ATP5PB: variants seen among roughly 807,000 people sequenced by gnomAD.
The protein encoded by ATP5PB is ATP synthase peripheral stalk subunit b, mitochondrial.
In ATP5PB, 21 loss-of-function variants were observed where a neutral mutation model predicts 34.5. That is an observed-to-expected ratio of 0.61 (90% CI 0.43 to 0.88). ATP5PB has a LOEUF of 0.88. ATP5PB is among the 40% of genes least tolerant of loss of function. The pLI is 0.00. For synonymous variants in ATP5PB, 108 were observed against 114.1 expected (o/e 0.95, Z 0.34); for missense variants, 293 against 317.4 (o/e 0.92, Z 0.58).
At chr1:111,449,758 G>C in intron 1 of ATP5PB, 79 bp from the exon 2 acceptor site, 1 of 1,602,914 alleles carries the variant, frequency 6.2e-7, no homozygotes, top group Non-Finnish European at 8.5e-7. Context: ...TAGGCTTAGT[G>C]ATAGAGCCTG....
In ATP5PB at chr1:111,454,793, C is replaced by T. The variant is rs577034013; in HGVS notation, c.223+437C>T. On this transcript the variant is annotated intron_variant, in intron 3 of 6. Coordinates refer to ENST00000369722, the MANE Select transcript of ATP5PB (RefSeq NM_001688.5). Reference sequence around the variant, plus strand: ...AATTGTAACAATTGATTTGATTGCTCCAACTTGTCTTTGGTATAAATTTAT... The same window carrying T: ...AATTGTAACAATTGATTTGATTGCTTCAACTTGTCTTTGGTATAAATTTAT... Among the ~76,000 whole-genome samples the T allele has an allele frequency of 7.2e-5, 11 of 152,226 alleles. No homozygotes were observed. In the South Asian group the frequency reaches 2.1e-3, roughly 29 times the overall value.
At chr1:111,449,697 T>C in intron 1 of ATP5PB, 116 bp downstream of exon 1, 1 of 1,553,088 alleles carries the variant, frequency 6.4e-7, no homozygotes, top group Non-Finnish European at 8.8e-7. Context: ...GAGTGGTCAG[T>C]GCAGTTCGGA....
At chr1:111,452,608 G>A (rs1571375329) in intron 2 of ATP5PB, among the ~76,000 whole-genome samples, 1 of 152,204 alleles carries the variant, frequency 6.6e-6, no homozygotes, top group South Asian at 2.1e-4. Context: ...ACCAGGTTTT[G>A]TATTGTTAAA....
chr1:111,451,359 C>CT (rs1017474715), intron 2 of ATP5PB, among the ~76,000 whole-genome samples: 7 of 152,182 alleles, frequency 4.6e-5, no homozygotes, highest in African/African-American at 1.7e-4. Flanking sequence ...CAAATGTCAT[C>CT]TGACTCCCTA....
intron 3 of ATP5PB, 56 bp downstream of exon 3, chr1:111,454,412 A>G (rs555438716): frequency 2.6e-6 from 4 of 1,528,214 alleles, no homozygotes; most frequent in Middle Eastern, 3.7e-4. Context: ...ACTAAAATCA[A>G]GTTAGGTGGG....
At chr1:111,458,385 A>G (rs544159467) in intron 5 of ATP5PB, among the ~76,000 whole-genome samples, 17 of 152,324 alleles carry the variant, frequency 1.1e-4, no homozygotes, top group African/African-American at 3.1e-4. Flanking sequence ...GCATTCAAGA[A>G]ATGTCTCTAA....
intron 2 of ATP5PB, among the ~76,000 whole-genome samples, chr1:111,452,821 A>G (rs375181787): frequency 2.0e-5 from 3 of 152,282 alleles, no homozygotes; most frequent in East Asian, 3.9e-4. Context: ...ACTGGTACCT[A>G]TTGTATAAAG....
chr1:111,454,154 T>C (rs909659262), intron 2 of ATP5PB, 57 bp from the exon 3 acceptor site: 3 of 1,446,140 alleles, frequency 2.1e-6, no homozygotes, highest in Non-Finnish European at 2.7e-6. Flanking sequence ...TCATTATTCA[T>C]ACACTGTATT....
chr1:111,461,352 A>G lies in ATP5PB; in HGVS notation c.*358A>G, dbSNP rs1653617120. The G allele has an allele frequency of 2.6e-5, 5 of 190,278 alleles. No homozygotes were observed. In the South Asian group the frequency reaches 4.7e-4, roughly 18 times the overall value. The allele number at this position is 190,278 out of a possible 1,614,324, so 11.8% of individuals were successfully genotyped here. A position where few individuals can be genotyped will look rare whatever the true frequency, so the allele number is the denominator to read the frequency against. ...GAAACAGGGTTTTTCAAGTTGTATA[A>G]TTCTCTGAAATACTCAGCTTTTGTC... On this transcript the variant is annotated 3_prime_UTR_variant, in exon 7 of 7. Coordinates refer to ENST00000369722, the MANE Select transcript of ATP5PB (RefSeq NM_001688.5).
At chr1:111,453,372 A>G (rs1353751900) in intron 2 of ATP5PB, among the ~76,000 whole-genome samples, 1 of 151,900 alleles carries the variant, frequency 6.6e-6, no homozygotes, top group East Asian at 1.9e-4. Flanking sequence ...GACTATACTT[A>G]AAGTATTATA....
At chr1:111,452,342 A>G (rs1653356099) in intron 2 of ATP5PB, among the ~76,000 whole-genome samples, 1 of 152,068 alleles carries the variant, frequency 6.6e-6, no homozygotes, top group Non-Finnish European at 1.5e-5. Context: ...CCGAGACGGC[A>G]GATCACAGTA....
intron 6 of ATP5PB, among the ~76,000 whole-genome samples, chr1:111,460,130 C>G (rs777747552): frequency 1.3e-5 from 2 of 152,186 alleles, no homozygotes; most frequent in Admixed American, 6.5e-5. Flanking sequence ...CAGTATTGCA[C>G]TCCAGCCTGG....
At position 111,449,547 on chromosome 1, in the gene ATP5PB, G is replaced by A. The variant is rs1474197262; in HGVS notation, c.6G>A (p.Leu2=). ...TACCTGGACTTTCGTTGACCATGCT[G>A]TCCCGGGTGGTACTTTCCGCCGCCG... M[L]SRVVLSAAAT... is the part of the protein sequence containing the mutation. The change falls in exon 1 of 7, where the codon CTG becomes CTA. Residue 2 remains leucine (L), a synonymous_variant. Transcript: ENST00000369722. 1 of 1,612,892 alleles carries A rather than the reference G, an allele frequency of 6.2e-7. No homozygotes were observed. Among genetic ancestry groups the A allele is most frequent in the Non-Finnish European group, 8.5e-7 (1 of 1,179,286 alleles).
At chr1:111,451,298 G>A (rs1653326919) in intron 2 of ATP5PB, among the ~76,000 whole-genome samples, 1 of 152,122 alleles carries the variant, frequency 6.6e-6, no homozygotes, top group African/African-American at 2.4e-5. Context: ...GCGCATTCTT[G>A]CCTCAATATC....
intron 5 of ATP5PB, 76 bp from the exon 6 acceptor site, chr1:111,459,381 A>C: frequency 7.2e-7 from 1 of 1,380,546 alleles, no homozygotes; most frequent in Non-Finnish European, 9.8e-7. Flanking sequence ...GGGCATTCTC[A>C]CTGGCAGAAT....
intron 4 of ATP5PB, 55 bp from the exon 5 acceptor site, chr1:111,456,575 C>A: frequency 6.4e-7 from 1 of 1,564,080 alleles, no homozygotes; most frequent in Non-Finnish European, 8.6e-7. Flanking sequence ...AATGAATCTC[C>A]TTTTTTTACC....
chr1:111,453,261 A>G (rs1196021157), intron 2 of ATP5PB, among the ~76,000 whole-genome samples: 1 of 152,188 alleles, frequency 6.6e-6, no homozygotes, highest in Admixed American at 6.5e-5. Context: ...TAATACAAGA[A>G]TAGTTTCCAA....
In ATP5PB at chr1:111,455,955, C is replaced by T. The variant is rs1046146305; in HGVS notation, c.224-131C>T. The T allele has an allele frequency of 5.4e-6, 4 of 737,308 alleles. No individual in the cohort carries two copies. In the Admixed American group the frequency reaches 9.3e-5, roughly 17 times the overall value. 45.7% of individuals were successfully genotyped at this position (737,308 alleles called of 1,614,324 possible). Reference sequence around the variant, plus strand: ...CAACTCTACCATACTGCTTCCCAATCCAGTGTTTTGTCTTTGAATCTAATT... The same window carrying T: ...CAACTCTACCATACTGCTTCCCAATTCAGTGTTTTGTCTTTGAATCTAATT... On this transcript the variant is annotated intron_variant, in intron 3 of 6. Transcript: ENST00000369722.
At chr1:111,451,366 C>G (rs997161886) in intron 2 of ATP5PB, among the ~76,000 whole-genome samples, 2 of 152,108 alleles carry the variant, frequency 1.3e-5, no homozygotes, top group African/African-American at 4.8e-5. Flanking sequence ...CATCTGACTC[C>G]CTACCAAAAA....
Sources: allele counts gnomAD v4.1 joint callset (sites outside exome capture counted in the v4.1 genomes callset), GRCh38; gene constraint gnomAD v4.1.1; transcripts MANE v1.5; gene names NCBI Gene and HGNC (gene_info 2026-07-23, HGNC 2026-07-21).